Variants in ZSWIM3 observed in about 807,000 individuals in gnomAD.
The protein encoded by ZSWIM3 is zinc finger SWIM-type containing 3.
Under a neutral mutation model 47.5 loss-of-function variants are expected in ZSWIM3, and 27 were observed. That is an observed-to-expected ratio of 0.57 (90% CI 0.42 to 0.78). The LOEUF is 0.78. ZSWIM3 is among the 30% of genes least tolerant of loss of function. ZSWIM3 has a pLI of 0.00. For synonymous variants in ZSWIM3, 333 were observed against 333.9 expected (o/e 1.00, Z 0.03); for missense variants, 689 against 861.3 (o/e 0.80, Z 2.50).
At position 45,877,620 on chromosome 20, in the gene ZSWIM3, C is replaced by T; in HGVS notation, c.1062C>T (p.Ser354=). 6.2e-7 allele frequency: 1 copy of T among 1,614,126 alleles called. No individual in the cohort carries two copies. Among genetic ancestry groups the T allele is most frequent in the Non-Finnish European group, 8.5e-7 (1 of 1,180,018 alleles). ...GCCTGAAAAATCTCTGCCAGATGTC[C>T]CAGGCCGTACTGGATGAGGATCTCT... ...EASLKNLCQM[S]QAVLDEDLFN... The change falls in exon 2 of 2, where the codon TCC becomes TCT. Residue 354 remains serine (S), a synonymous_variant. Coordinates refer to ENST00000255152, the MANE Select transcript of ZSWIM3 (RefSeq NM_080752.4).
Position 45,857,749 on chromosome 20 carries a change from T to G in ZSWIM3, c.-77T>G, listed in dbSNP as rs370108980. The G allele has an allele frequency of 1.3e-6, 2 of 1,546,220 alleles. No individual in the cohort carries two copies. Among genetic ancestry groups the G allele is most frequent in the Admixed American group, 1.9e-5 (1 of 52,958 alleles). On this transcript the variant is annotated 5_prime_UTR_variant, in exon 1 of 2. Transcript: ENST00000255152. The stretch of plus-strand genomic sequence containing the variant: ...GCCCACGCCTGCCTATAAACCCTCA[T>G]AGTGTGACCTTTGACCCCTGGTGTG...
rs200697227 is a variant in ZSWIM3, at chr20:45,877,791, G to A, written c.1233G>A (p.Ser411=). 149 of 1,614,130 alleles carry A rather than the reference G, an allele frequency of 9.2e-5. No individual in the cohort carries two copies. In the East Asian group the frequency reaches 9.8e-4, roughly 11 times the overall value. Residue 411 remains serine (S), a synonymous_variant, in exon 2 of 2, where the codon TCG becomes TCA. Coordinates refer to ENST00000255152, the MANE Select transcript of ZSWIM3 (RefSeq NM_080752.4). The part of the protein sequence containing the change: ...KVSSLFREQQ[S]LLDCILCFVD... ...CAAGCCTCTTTCGGGAACAGCAGTC[G>A]CTGCTGGACTGCATCCTCTGCTTTG...
In ZSWIM3 at chr20:45,878,196, C is replaced by A; in HGVS notation, c.1638C>A (p.Gly546=). ...ACTCTCACCAGGTTAGCAAAGATGGCTGTAGCTGCAGCTGTTCCTTTCAAC... is the reference window on the plus strand; with the variant it reads ...ACTCTCACCAGGTTAGCAAAGATGGATGTAGCTGCAGCTGTTCCTTTCAAC... The part of the protein sequence containing the change: ...LEDSHQVSKD[G]CSCSCSFQQW... Residue 546 remains glycine (G), a synonymous_variant, in exon 2 of 2, where the codon GGC becomes GGA. Transcript: ENST00000255152. 6.2e-7 allele frequency: 1 copy of A among 1,614,232 alleles called. No individual in the cohort carries two copies. Among genetic ancestry groups the A allele is most frequent in the Non-Finnish European group, 8.5e-7 (1 of 1,180,048 alleles).
intron 1 of ZSWIM3, among the ~76,000 whole-genome samples, chr20:45,858,500 G>A (rs1347196803): frequency 6.6e-6 from 1 of 152,136 alleles, no homozygotes; most frequent in Non-Finnish European, 1.5e-5. Flanking sequence ...TCCCACCTCA[G>A]CCTCTCAAGT....
chr20:45,861,774 G>T (rs750151782), intron 1 of ZSWIM3, among the ~76,000 whole-genome samples: 10 of 151,896 alleles, frequency 6.6e-5, no homozygotes, highest in Non-Finnish European at 1.2e-4. Context: ...GTAGAGACAG[G>T]GTCTTGCCAT....
In ZSWIM3 at chr20:45,876,810, C is replaced by A; in HGVS notation, c.252C>A (p.Tyr84Ter). 1 of 1,614,152 alleles carries A rather than the reference C, an allele frequency of 6.2e-7. No homozygotes were observed. The highest frequency in any genetic ancestry group is 8.5e-7 in the Non-Finnish European group (1 of 1,180,028). Residue 84 changes from tyrosine to a stop codon, truncating the protein, a stop_gained, in exon 2 of 2, where the codon TAC (tyrosine) becomes TAA (stop). Coordinates refer to ENST00000255152, the MANE Select transcript of ZSWIM3 (RefSeq NM_080752.4). LOFTEE classifies it high-confidence loss of function. ...DMCPAYLLLRYNERLDRLFIS... is the reference protein window; with the variant it reads ...DMCPAYLLLR ...GCCCAGCGTACTTGCTCCTAAGGTA[C>A]AACGAGAGACTAGATAGACTATTTA...
At chr20:45,876,566 TG>T in intron 1 of ZSWIM3, 147 bp from the exon 2 acceptor site, 3 of 951,710 alleles carry the variant, frequency 3.2e-6, no homozygotes, top group Non-Finnish European at 4.6e-6. Flanking sequence ...CTCAGACTCC[TG>T]GGCTCAAGTG....
At chr20:45,869,402 C>G (rs1985916939) in intron 1 of ZSWIM3, among the ~76,000 whole-genome samples, 2 of 151,642 alleles carry the variant, frequency 1.3e-5, no homozygotes, top group Non-Finnish European at 2.9e-5. Context: ...GCCTGTAATC[C>G]CAGCTACTCG....
chr20:45,876,933 G>A lies in ZSWIM3; in HGVS notation c.375G>A (p.Gln125=), dbSNP rs1325935370. 1 of 1,614,124 alleles carries A rather than the reference G, an allele frequency of 6.2e-7. No homozygotes were observed. The highest frequency in any genetic ancestry group is 1.7e-5 in the Admixed American group (1 of 60,018). Residue 125 remains glutamine, a synonymous_variant, in exon 2 of 2, where the codon CAG becomes CAA. Transcript: ENST00000255152. ...AATCTCAAAAGACAATGTGCCTGCA[G>A]AGACTCCAGCCTGTGCAGCCCACAA... ...TGKSQKTMCL[Q]RLQPVQPTTK... is the part of the protein sequence containing the mutation.
At chr20:45,866,853 T>C (rs1985855545) in intron 1 of ZSWIM3, among the ~76,000 whole-genome samples, 1 of 140,830 alleles carries the variant, frequency 7.1e-6, no homozygotes, top group Non-Finnish European at 1.6e-5. Flanking sequence ...CCTAAAACAG[T>C]GCTCAGTAAA....
At chr20:45,865,787 G>A (rs1247657138) in intron 1 of ZSWIM3, among the ~76,000 whole-genome samples, 2 of 151,610 alleles carry the variant, frequency 1.3e-5, no homozygotes, top group Non-Finnish European at 2.9e-5. Flanking sequence ...CACGAGGTCA[G>A]GAGATTGAGA....
intron 1 of ZSWIM3, among the ~76,000 whole-genome samples, chr20:45,868,259 A>T (rs1354915910): frequency 1.3e-5 from 2 of 152,240 alleles, no homozygotes; most frequent in Non-Finnish European, 2.9e-5. Flanking sequence ...GAAGAAGGGA[A>T]ATCAACAAAG....
intron 1 of ZSWIM3, among the ~76,000 whole-genome samples, chr20:45,871,687 TA>T (rs528243235): frequency 0.018 from 2,392 of 130,684 alleles, 47 homozygotes; most frequent in African/African-American, 0.052. Context: ...CCATCTCTAC[TA>T]AAAAAAAAAA....
At chr20:45,869,409 C>T (rs1321581415) in intron 1 of ZSWIM3, among the ~76,000 whole-genome samples, 1 of 151,760 alleles carries the variant, frequency 6.6e-6, no homozygotes, top group African/African-American at 2.4e-5. Flanking sequence ...ATCCCAGCTA[C>T]TCGGGAGGCT....
Position 45,877,557 on chromosome 20 carries a change from A to G in ZSWIM3, c.999A>G (p.Glu333=), listed in dbSNP as rs949562112. ...CATCCTTTAAAAGGCTCATGAAGGAAGCCCTGCGGGAGGCCGTGTTTGTCA... is the reference window on the plus strand; with the variant it reads ...CATCCTTTAAAAGGCTCATGAAGGAGGCCCTGCGGGAGGCCGTGTTTGTCA... ...ANPSFKRLMK[E]ALREAVFVTS... is the part of the protein sequence containing the mutation. The change falls in exon 2 of 2, where the codon GAA becomes GAG. Residue 333 remains glutamate, a synonymous_variant. Transcript: ENST00000255152. 1.5e-5 allele frequency: 24 copies of G among 1,614,112 alleles called. No individual in the cohort carries two copies. The highest frequency in any genetic ancestry group is 1.9e-5 in the Non-Finnish European group (23 of 1,180,046).
rs1986130302 is a variant in ZSWIM3, at chr20:45,877,490, C to T, written c.932C>T (p.Thr311Ile). 4 of 1,614,182 alleles carry T rather than the reference C, an allele frequency of 2.5e-6. No individual in the cohort carries two copies. Among genetic ancestry groups the T allele is most frequent in the East Asian group, 2.2e-5 (1 of 44,894 alleles). Residue 311 changes from threonine (T) to isoleucine (I), a missense_variant, in exon 2 of 2, where the codon ACC becomes ATC. By Grantham distance (89) the Thr-to-Ile change is moderately conservative. Coordinates refer to ENST00000255152, the MANE Select transcript of ZSWIM3 (RefSeq NM_080752.4). ...ARILLSIYHT[T>I]RLLEKKLHRS... is the part of the protein sequence containing the mutation. Reference sequence around the variant, plus strand: ...ATCCTCCTTTCCATCTACCACACAACCCGACTCTTGGAGAAGAAGTTGCAT... The same window carrying T: ...ATCCTCCTTTCCATCTACCACACAATCCGACTCTTGGAGAAGAAGTTGCAT...
At chr20:45,858,098 A>T (rs1201578914) in intron 1 of ZSWIM3, 118 bp downstream of exon 1, 2 of 1,123,858 alleles carry the variant, frequency 1.8e-6, no homozygotes, top group Non-Finnish European at 2.5e-6. Flanking sequence ...CCATTCATTC[A>T]ACAGGCACTC....
intron 1 of ZSWIM3, among the ~76,000 whole-genome samples, chr20:45,869,699 T>C (rs1349235677): frequency 1.3e-5 from 2 of 152,042 alleles, no homozygotes; most frequent in Non-Finnish European, 2.9e-5. Context: ...CTCAGCTTTG[T>C]CCTTAGGAAG....
At chr20:45,869,774 G>T (rs1601114841) in intron 1 of ZSWIM3, among the ~76,000 whole-genome samples, 1 of 152,066 alleles carries the variant, frequency 6.6e-6, no homozygotes, top group African/African-American at 2.4e-5. Context: ...GCCGGGCGTG[G>T]TGGCTCACAC....
Sources: gnomAD v4.1 joint callset for allele counts (sites outside exome capture counted in the v4.1 genomes callset) on GRCh38, gnomAD v4.1.1 for gene constraint, MANE v1.5 for transcripts, NCBI Gene and HGNC (gene_info 2026-07-23, HGNC 2026-07-21) for gene names.